The following CTNNA3 variants were observed in gnomAD, a reference collection of about 807,000 sequenced individuals.
CTNNA3 encodes the protein catenin alpha 3, also known as catenin alpha-3.
CTNNA3 carries 76 observed loss-of-function variants against 95.7 expected under a neutral mutation model. The observed-to-expected ratio is 0.79, with a 90% CI of 0.66 to 0.96. CTNNA3 has a LOEUF of 0.96. Among genes scored for constraint, CTNNA3 ranks in the 40% least tolerant of loss-of-function variants. CTNNA3 has a pLI of 0.00. For missense variants in CTNNA3, 1,191 were observed against 1,089.8 expected (o/e 1.09, Z -1.31); for synonymous variants, 431 against 374.4 (o/e 1.15, Z -1.74).
At chr10:67,090,280 T>C (rs1214065317) in intron 7 of CTNNA3, among the ~76,000 whole-genome samples, 1 of 152,138 alleles carries the variant, frequency 6.6e-6, no homozygotes, top group Admixed American at 6.6e-5. Context: ...GAGCTGTCAC[T>C]ATCTTACCCA....
At chr10:66,498,871 G>T (rs1840185231) in intron 11 of CTNNA3, among the ~76,000 whole-genome samples, 1 of 152,096 alleles carries the variant, frequency 6.6e-6, no homozygotes, top group Non-Finnish European at 1.5e-5. Flanking sequence ...AGCCTATGTT[G>T]GGCATCTCTG....
chr10:67,509,922 T>C (rs1839556776), intron 5 of CTNNA3, among the ~76,000 whole-genome samples: 1 of 152,232 alleles, frequency 6.6e-6, no homozygotes, highest in South Asian at 2.1e-4. Flanking sequence ...TGATTTTGAT[T>C]TGCATTTCTG....
intron 7 of CTNNA3, among the ~76,000 whole-genome samples, chr10:67,050,672 C>G (rs1855034432): frequency 1.3e-5 from 2 of 152,184 alleles, no homozygotes; most frequent in Admixed American, 1.3e-4. Context: ...GGAATTTAAA[C>G]TACTTTTGTA....
chr10:67,161,174 C>A (rs553572977), intron 7 of CTNNA3, among the ~76,000 whole-genome samples: 4 of 151,922 alleles, frequency 2.6e-5, no homozygotes, highest in Non-Finnish European at 5.9e-5. Flanking sequence ...GATTGTAGTT[C>A]TCTTATTGAG....
intron 9 of CTNNA3, among the ~76,000 whole-genome samples, chr10:66,628,990 A>G (rs1277612314): frequency 1.3e-5 from 2 of 152,120 alleles, no homozygotes; most frequent in African/African-American, 4.8e-5. Flanking sequence ...TAAGATATTA[A>G]TATTTATTAG....
rs77400827 is a variant in CTNNA3 at position 67,367,556 on chromosome 10, C to T, written c.580-147686G>A. Among the ~76,000 whole-genome samples, 2,701 of 152,192 alleles carry T rather than the reference C, an allele frequency of 0.018. 203 individuals are homozygous for T. In the East Asian group the frequency reaches 0.23, roughly 13 times the overall value. ...AGAATTACCATGCGAACAGCAATCC[C>T]AATACTAGGGATATATCCAAAGGAC... is the stretch of plus-strand genomic sequence containing the variant. On this transcript the variant is annotated intron_variant, in intron 5 of 17. Coordinates refer to ENST00000433211, the MANE Select transcript of CTNNA3 (RefSeq NM_013266.4).
intron 5 of CTNNA3, among the ~76,000 whole-genome samples, chr10:67,476,348 A>G (rs1848009896): frequency 6.6e-6 from 1 of 151,850 alleles, no homozygotes; most frequent in Admixed American, 6.5e-5. Flanking sequence ...AAATCCAGCC[A>G]TCAGGGGGCA....
intron 9 of CTNNA3, among the ~76,000 whole-genome samples, chr10:66,651,657 G>GCCGGCCT (rs1845906172): frequency 9.5e-6 from 1 of 105,436 alleles, no homozygotes; most frequent in Non-Finnish European, 1.8e-5. Context: ...AGTGCCCGCC[G>GCCGGCCT]GCCGGCACTG....
chr10:66,092,117 C>T (rs911314214), intron 14 of CTNNA3, among the ~76,000 whole-genome samples: 1 of 151,892 alleles, frequency 6.6e-6, no homozygotes, highest in Non-Finnish European at 1.5e-5. Context: ...TCCTGTCTCT[C>T]TCATTCCCAA....
chr10:65,935,143 T>A (rs1398050188), intron 17 of CTNNA3, among the ~76,000 whole-genome samples: 1 of 152,110 alleles, frequency 6.6e-6, no homozygotes, highest in Non-Finnish European at 1.5e-5. Flanking sequence ...CTCTAGAAAA[T>A]TTTTGGCTAC....
chr10:66,163,573 T>A (rs1387929147), intron 13 of CTNNA3, among the ~76,000 whole-genome samples: 2 of 152,152 alleles, frequency 1.3e-5, no homozygotes, highest in African/African-American at 4.8e-5. Context: ...TCTCCCACGT[T>A]TTGCAGGAGC....
At chr10:66,326,317 A>G (rs1309251283) in intron 12 of CTNNA3, among the ~76,000 whole-genome samples, 2 of 152,076 alleles carry the variant, frequency 1.3e-5, no homozygotes, top group African/African-American at 2.4e-5. Context: ...TTCTTCATCT[A>G]CATAACCAAT....
At chr10:66,705,571 A>C (rs1848089361) in intron 9 of CTNNA3, among the ~76,000 whole-genome samples, 4 of 151,964 alleles carry the variant, frequency 2.6e-5, no homozygotes, top group African/African-American at 9.7e-5. Flanking sequence ...TACATCCTTA[A>C]CTAATATTTT....
intron 7 of CTNNA3, among the ~76,000 whole-genome samples, chr10:67,109,481 T>A (rs775007531): frequency 8.5e-5 from 13 of 152,216 alleles, no homozygotes; most frequent in Non-Finnish European, 1.5e-4. Context: ...CACTTTGCAT[T>A]AAGATGAACC....
intron 9 of CTNNA3, among the ~76,000 whole-genome samples, chr10:66,693,770 C>T (rs1356355234): frequency 6.6e-6 from 1 of 152,026 alleles, no homozygotes; most frequent in East Asian, 1.9e-4. Context: ...TCTCTCAGAC[C>T]ACAGTGCAAT....
chr10:66,243,419 A>C (rs2090183513), intron 13 of CTNNA3, among the ~76,000 whole-genome samples: 1 of 152,176 alleles, frequency 6.6e-6, no homozygotes, highest in Non-Finnish European at 1.5e-5. Context: ...TGCTACCTGG[A>C]AACTTCATAT....
intron 9 of CTNNA3, among the ~76,000 whole-genome samples, chr10:66,644,745 T>C (rs560367831): frequency 1.3e-5 from 2 of 152,196 alleles, no homozygotes; most frequent in Non-Finnish European, 2.9e-5. Context: ...CTTGTATTAA[T>C]TTTTCTTAGT....
chr10:67,685,075 A>C lies in CTNNA3; in HGVS notation c.-6+10925T>G, dbSNP rs187483635. Among the ~76,000 whole-genome samples, 447 of 152,302 alleles carry C rather than the reference A, an allele frequency of 2.9e-3. 4 individuals are homozygous for C. The highest frequency in any genetic ancestry group is 0.01 in the African/African-American group (423 of 41,560). ...GAGAGTCACTGCTGCCGAAGAGTCT[A>C]TTTGGGATTGTAGAGTAAGGATAGA... On this transcript the variant is annotated intron_variant, in intron 1 of 17. Transcript: ENST00000433211.
At chr10:66,493,641 G>A (rs866237259) in intron 11 of CTNNA3, among the ~76,000 whole-genome samples, 2 of 127,962 alleles carry the variant, frequency 1.6e-5, no homozygotes, top group Non-Finnish European at 3.1e-5. Flanking sequence ...TCGCTCTGTC[G>A]CTCAGGCTGG....
Sources: allele counts gnomAD v4.1 joint callset (sites outside exome capture counted in the v4.1 genomes callset), GRCh38; gene constraint gnomAD v4.1.1; transcripts MANE v1.5; gene names NCBI Gene and HGNC (gene_info 2026-07-23, HGNC 2026-07-21).